ANKRD36: variants seen among roughly 807,000 people sequenced by gnomAD.
ANKRD36 encodes ankyrin repeat domain-containing protein 36A.
ANKRD36 carries 179 observed loss-of-function variants against 278.1 expected under a neutral mutation model. That is an observed-to-expected ratio of 0.64 (90% confidence interval 0.57 to 0.73). The LOEUF (loss-of-function observed/expected upper bound fraction) is 0.73, where lower values mean the gene tolerates loss of function less well. Ranked by LOEUF, ANKRD36 falls within the 30% of genes least tolerant of loss-of-function variation. The pLI is 0.00. For missense variants in ANKRD36, 1,159 were observed against 1,956.7 expected (o/e 0.59, Z 7.69); for synonymous variants, 320 against 641.1 (o/e 0.50, Z 7.57).
At chr2:97,192,824 A>C in intron 36 of ANKRD36, 34 bp from the exon 37 acceptor site, 1 of 1,591,908 alleles carries the variant, frequency 6.3e-7, no homozygotes, top group Non-Finnish European at 8.6e-7. Context: ...TCATAGTTAC[A>C]TATGAGTGAT....
At chr2:97,182,173 A>G (rs2443848) in intron 26 of ANKRD36, among the ~76,000 whole-genome samples, 4 of 151,430 alleles carry the variant, frequency 2.6e-5, no homozygotes, top group Non-Finnish European at 3.0e-5. Context: ...CATGGTAATA[A>G]CCCATAAACA....
chr2:97,171,764 G>A (rs2052622690), intron 22 of ANKRD36, among the ~76,000 whole-genome samples: 2 of 145,842 alleles, frequency 1.4e-5, no homozygotes, highest in South Asian at 4.5e-4. Context: ...ATTAACTCAA[G>A]ATAAATTAAA....
chr2:97,185,415 A>G (rs771690877), intron 29 of ANKRD36, 23 bp from the exon 30 acceptor site: 2 of 1,608,382 alleles, frequency 1.2e-6, no homozygotes, highest in Non-Finnish European at 8.5e-7. Context: ...CTTTATTGAT[A>G]ATTTGCTTCA....
chr2:97,227,534 A>G (rs1230347829), intron 67 of ANKRD36, among the ~76,000 whole-genome samples: 58 of 152,206 alleles, frequency 3.8e-4, no homozygotes, highest in Admixed American at 3.4e-3. Context: ...GGCTGAGACA[A>G]TGGGGTTTTC....
At chr2:97,221,674 A>G (rs1477254418) in intron 66 of ANKRD36, among the ~76,000 whole-genome samples, 1 of 150,634 alleles carries the variant, frequency 6.6e-6, no homozygotes, top group Non-Finnish European at 1.5e-5. Context: ...GATTCTGGAT[A>G]TTAGCCCTTT....
intron 48 of ANKRD36, among the ~76,000 whole-genome samples, chr2:97,203,417 T>A (rs1350286334): frequency 3.3e-5 from 5 of 151,850 alleles, no homozygotes; most frequent in African/African-American, 1.2e-4. Flanking sequence ...GTGCCACGAC[T>A]GGATGAAGAA....
chr2:97,162,367 A>G (rs548985175), intron 18 of ANKRD36, among the ~76,000 whole-genome samples: 7 of 150,656 alleles, frequency 4.6e-5, no homozygotes, highest in African/African-American at 1.5e-4. Context: ...TTTTAATTAA[A>G]TTATAAATAT....
chr2:97,181,788 G>T lies in ANKRD36; in HGVS notation c.1832G>T (p.Gly611Val). The change falls in exon 26 of 76, where the codon GGG (glycine) becomes GTG (valine). Residue 611 changes from glycine (G) to valine (V), a missense_variant. Gly to Val is a moderately radical substitution (Grantham distance 109, BLOSUM62 -3). Coordinates refer to ENST00000420699, the MANE Select transcript of ANKRD36 (RefSeq NM_001354587.1). The part of the protein sequence containing the change: ...ATEIKKGQQS[G>V]TVSPQKQSAW... ...GAAATAAAGAAGGGACAACAATCTGGGACAGGTAATTTTGCAAAACACATT... is the reference window on the plus strand; with the variant it reads ...GAAATAAAGAAGGGACAACAATCTGTGACAGGTAATTTTGCAAAACACATT... The T allele has an allele frequency of 6.2e-7, 1 of 1,608,266 alleles. No individual in the cohort carries two copies. Among genetic ancestry groups the T allele is most frequent in the South Asian group, 1.1e-5 (1 of 90,780 alleles).
intron 26 of ANKRD36, among the ~76,000 whole-genome samples, chr2:97,182,052 A>G (rs373668159): frequency 1.3e-5 from 2 of 151,514 alleles, no homozygotes; most frequent in East Asian, 3.9e-4. Context: ...AGGGGACAGC[A>G]TAATTTTGCA....
At chr2:97,231,790 G>T (rs1204871492) in intron 67 of ANKRD36, among the ~76,000 whole-genome samples, 2 of 152,098 alleles carry the variant, frequency 1.3e-5, no homozygotes, top group Non-Finnish European at 2.9e-5. Context: ...GCCAGACAAA[G>T]AATTTGCTTT....
Position 97,144,647 on chromosome 2 carries a change from G to A in ANKRD36, c.938G>A (p.Ser313Asn), listed in dbSNP as rs951028944. The A allele has an allele frequency of 5.2e-6, 8 of 1,544,184 alleles. No individual in the cohort carries two copies. The African/African-American group carries it at 8.2e-5, about 16-fold the overall frequency. Residue 313 changes from serine to asparagine, a missense_variant, in exon 10 of 76, where the codon AGT (serine) becomes AAT (asparagine). Physicochemically the swap from Ser to Asn is conservative, Grantham distance 46. Transcript: ENST00000420699. ...GTTTGAAATCCCACTCAGGATACAA[G>A]TGACAAGGATGATTCTGTTTCGAAC... ...SQKQPALKDT[S>N]DKDDSVSNTA... is the part of the protein sequence containing the mutation.
chr2:97,136,843 A>G (rs1183022903), intron 6 of ANKRD36, among the ~76,000 whole-genome samples: 1 of 151,974 alleles, frequency 6.6e-6, no homozygotes, highest in African/African-American at 2.4e-5. Flanking sequence ...TAATGATGCC[A>G]TTTTCTGTCA....
At chr2:97,140,413 C>T (rs905197641) in intron 6 of ANKRD36, among the ~76,000 whole-genome samples, 6 of 151,882 alleles carry the variant, frequency 4.0e-5, no homozygotes, top group African/African-American at 7.3e-5. Context: ...CAAAGTCTTA[C>T]GTATGTGAAA....
intron 64 of ANKRD36, among the ~76,000 whole-genome samples, chr2:97,217,837 A>AAGAGGGATTGCAAGGCAAGG (rs2066374858): frequency 1.3e-5 from 2 of 150,924 alleles, no homozygotes; most frequent in Non-Finnish European, 2.9e-5. Flanking sequence ...TTTCATCAAG[A>AAGAGGGATTGCAAGGCAAGG]AAGAGGGATT....
At chr2:97,182,642 CT>C (rs2153546524) in intron 26 of ANKRD36, among the ~76,000 whole-genome samples, 1 of 150,680 alleles carries the variant, frequency 6.6e-6, no homozygotes, top group East Asian at 2.0e-4. Flanking sequence ...CATTAATTGA[CT>C]TTTAAAATTC....
At chr2:97,151,061 G>A (rs1018516255) in intron 12 of ANKRD36, among the ~76,000 whole-genome samples, 1 of 152,012 alleles carries the variant, frequency 6.6e-6, no homozygotes, top group Non-Finnish European at 1.5e-5. Context: ...CATATATTAT[G>A]AACACAAGCT....
intron 17 of ANKRD36, among the ~76,000 whole-genome samples, chr2:97,159,822 G>T (rs200526312): frequency 1.2e-4 from 17 of 140,402 alleles, no homozygotes; most frequent in Admixed American, 2.1e-4. Flanking sequence ...TCGCTCTGTC[G>T]CCCAGGCTGG....
intron 50 of ANKRD36, 89 bp downstream of exon 50, chr2:97,204,352 A>C: frequency 7.1e-7 from 1 of 1,400,146 alleles, no homozygotes; most frequent in African/African-American, 1.5e-5. Flanking sequence ...GGCTCGTTGA[A>C]GCTGCACATT....
At chr2:97,179,802 C>T (rs1457377171) in intron 23 of ANKRD36, 36 bp downstream of exon 23, 1 of 1,597,620 alleles carries the variant, frequency 6.3e-7, no homozygotes, top group Non-Finnish European at 8.5e-7. Context: ...GAACTATTAA[C>T]TGTATAGTCT....
Sources: allele counts gnomAD v4.1 joint callset (sites outside exome capture counted in the v4.1 genomes callset), GRCh38; gene constraint gnomAD v4.1.1; transcripts MANE v1.5; gene names NCBI Gene and HGNC (gene_info 2026-07-23, HGNC 2026-07-21).